KCNQ1: variants seen among roughly 807,000 people sequenced by gnomAD.
The protein encoded by KCNQ1 is potassium voltage-gated channel subfamily KQT member 1.
A neutral mutation model predicts 72.4 loss-of-function variants in KCNQ1; 49 were observed. That is an observed-to-expected ratio of 0.68 (90% CI 0.54 to 0.86). The LOEUF (loss-of-function observed/expected upper bound fraction) is 0.86. Ranked by LOEUF, KCNQ1 falls within the 40% of genes least tolerant of loss-of-function variation. The probability of loss-of-function intolerance (pLI) is 0.00; values close to 1 mark genes in which losing one functional copy is unlikely to be tolerated. For missense variants in KCNQ1, 790 were observed against 945.1 expected (o/e 0.84, Z 2.15); for synonymous variants, 450 against 412.6 (o/e 1.09, Z -1.10).
At position 2,746,843 on chromosome 11, in the gene KCNQ1, G is replaced by T. The variant is rs1219260354; in HGVS notation, c.1515-22001G>T. On this transcript the variant is annotated intron_variant, in intron 11 of 15. Coordinates refer to ENST00000155840, the MANE Select transcript of KCNQ1 (RefSeq NM_000218.3). This position sits in a 1 kb window ranked among gnomAD's most constrained non-coding sequence, Gnocchi z 5.9. ...GGGCCCTAGAGAGACCCTGGGATGTGGATCACACTGGTGACCCCTGTGAGC... is the reference window on the plus strand; with the variant it reads ...GGGCCCTAGAGAGACCCTGGGATGTTGATCACACTGGTGACCCCTGTGAGC... Among the ~76,000 whole-genome samples the T allele has an allele frequency of 6.6e-6, 1 of 152,202 alleles. No homozygotes were observed. Among genetic ancestry groups the T allele is most frequent in the Non-Finnish European group, 1.5e-5 (1 of 68,030 alleles).
intron 10 of KCNQ1, among the ~76,000 whole-genome samples, chr11:2,594,650 T>C (rs1342875772): frequency 6.6e-6 from 1 of 152,228 alleles, no homozygotes; most frequent in Non-Finnish European, 1.5e-5. Flanking sequence ...TTGAGATGTT[T>C]CTGTTCCACT....
intron 10 of KCNQ1, chr11:2,641,801 G>C (rs1849581110): frequency 5.0e-6 from 2 of 398,382 alleles, no homozygotes. Context: ...AACCCATCTT[G>C]AGTTGATTTT....
At chr11:2,487,153 T>A (rs1846753030) in intron 1 of KCNQ1, among the ~76,000 whole-genome samples, 1 of 152,238 alleles carries the variant, frequency 6.6e-6, no homozygotes, top group South Asian at 2.1e-4. Context: ...TTGAATAGTC[T>A]TGGAACCCTA....
Position 2,475,091 on chromosome 11 carries a change from C to A in KCNQ1, c.386+29607C>A, listed in dbSNP as rs1166482989. On this transcript the variant is annotated intron_variant, in intron 1 of 15. Transcript: ENST00000155840. This position sits in a 1 kb window ranked among gnomAD's most constrained non-coding sequence, Gnocchi z 5.8. The stretch of plus-strand genomic sequence containing the variant: ...AGTGCTAGGCGTCCGACACGTCTTT[C>A]TAATTCCTGAACATTTCCATCATCC... 6.6e-6 allele frequency among the ~76,000 whole-genome samples: 1 copy of A among 152,226 alleles called. No homozygotes were observed. Among genetic ancestry groups the A allele is most frequent in the Non-Finnish European group, 1.5e-5 (1 of 68,040 alleles).
In KCNQ1 at chr11:2,713,569, C is replaced by T. The variant is rs966227890; in HGVS notation, c.1514+51488C>T. On this transcript the variant is annotated intron_variant, in intron 11 of 15. Coordinates refer to ENST00000155840, the MANE Select transcript of KCNQ1 (RefSeq NM_000218.3). The surrounding 1 kb of genome is among the most constrained non-coding windows in gnomAD (Gnocchi z 5.6). ...CTGGAGGACAGGCACCCTTGTTGGCCGTGGATAGGTTTCTGTTCTCCCTCG... is the reference window on the plus strand; with the variant it reads ...CTGGAGGACAGGCACCCTTGTTGGCTGTGGATAGGTTTCTGTTCTCCCTCG... Among the ~76,000 whole-genome samples the T allele has an allele frequency of 8.5e-5, 13 of 152,164 alleles. No homozygotes were observed. Among genetic ancestry groups the T allele is most frequent in the East Asian group, 3.9e-4 (2 of 5,146 alleles).
rs570852722 is a variant in KCNQ1, at chr11:2,815,017, C to T, written c.1795-32750C>T. The stretch of plus-strand genomic sequence containing the variant: ...TCTGCACACACAGCTTTCCTCATCC[C>T]GGCCTCATGCACTGTGGGCAGGAGT... On this transcript the variant is annotated intron_variant, in intron 15 of 15. Coordinates refer to ENST00000155840, the MANE Select transcript of KCNQ1 (RefSeq NM_000218.3). The surrounding 1 kb of genome is among the most constrained non-coding windows in gnomAD (Gnocchi z 5.4). 1.1e-3 allele frequency among the ~76,000 whole-genome samples: 160 copies of T among 152,376 alleles called. No homozygotes were observed. Among genetic ancestry groups the T allele is most frequent in the Non-Finnish European group, 1.9e-3 (131 of 68,038 alleles).
Position 2,568,647 on chromosome 11 carries a change from C to T in KCNQ1, c.478-1981C>T, listed in dbSNP as rs992621185. On this transcript the variant is annotated intron_variant, in intron 2 of 15. Transcript: ENST00000155840. ...TGGAATAGTCATTTATTTGTTCCTT[C>T]ATTCGTTCATTCAGCATGTCCATGT... Among the ~76,000 whole-genome samples, 22 of 152,206 alleles carry T rather than the reference C, an allele frequency of 1.4e-4. 1 individual carries two copies. Among genetic ancestry groups the T allele is most frequent in the Non-Finnish European group, 2.9e-5 (2 of 68,040 alleles).
chr11:2,528,804 G>A (rs964821935), intron 2 of KCNQ1, among the ~76,000 whole-genome samples: 1 of 152,268 alleles, frequency 6.6e-6, no homozygotes, highest in African/African-American at 2.4e-5. Flanking sequence ...ATCTGGGCTG[G>A]TTTCATGCTG....
At chr11:2,448,801 G>T (rs199858413) in intron 1 of KCNQ1, among the ~76,000 whole-genome samples, 13 of 152,208 alleles carry the variant, frequency 8.5e-5, no homozygotes, top group African/African-American at 2.4e-4. Context: ...TGGCTGTCTG[G>T]GGTCCCCTCA....
intron 6 of KCNQ1, among the ~76,000 whole-genome samples, chr11:2,577,216 G>A (rs966693435): frequency 2.0e-5 from 3 of 152,210 alleles, no homozygotes; most frequent in Non-Finnish European, 4.4e-5. Flanking sequence ...GCAGGGGTTC[G>A]GGCAGCCCTG....
intron 15 of KCNQ1, among the ~76,000 whole-genome samples, chr11:2,800,702 TA>T (rs1396803471): frequency 6.6e-6 from 1 of 152,174 alleles, no homozygotes; most frequent in Non-Finnish European, 1.5e-5. Context: ...GCACCACACA[TA>T]GCCTCTCTGT....
intron 1 of KCNQ1, among the ~76,000 whole-genome samples, chr11:2,517,877 G>A (rs729979): frequency 0.77 from 117,486 of 152,188 alleles, 45,453 homozygotes; most frequent in East Asian, 0.83. Flanking sequence ...GAGGGGTGGC[G>A]GAACGCTGCC....
At position 2,651,682 on chromosome 11, in the gene KCNQ1, C is replaced by T. The variant is rs1451352108; in HGVS notation, c.1394-10279C>T. 1 of 398,534 alleles carries T rather than the reference C, an allele frequency of 2.5e-6. No individual in the cohort carries two copies. The highest frequency in any genetic ancestry group is 4.4e-6 in the Non-Finnish European group (1 of 226,100). 24.7% of individuals were successfully genotyped at this position (398,534 alleles called of 1,614,324 possible). A position where few individuals can be genotyped will look rare whatever the true frequency, so the allele number is the denominator to read the frequency against. ...TCACTGACATTAGCCACGTGGCCCT[C>T]TGTTTCCTGTAATAGGCCATTTCCT... On this transcript the variant is annotated intron_variant, in intron 10 of 15. Coordinates refer to ENST00000155840, the MANE Select transcript of KCNQ1 (RefSeq NM_000218.3). This position sits in a 1 kb window ranked among gnomAD's most constrained non-coding sequence, Gnocchi z 6.1.
At position 2,450,532 on chromosome 11, in the gene KCNQ1, C is replaced by T. The variant is rs754087275; in HGVS notation, c.386+5048C>T. On this transcript the variant is annotated intron_variant, in intron 1 of 15. Transcript: ENST00000155840. This position sits in a 1 kb window ranked among gnomAD's most constrained non-coding sequence, Gnocchi z 7.9. ...TCTCGGGAGGTGCCTTGGGGCTGGC[C>T]AGTATGGGATTGCTGTCACTGTGGG... is the stretch of plus-strand genomic sequence containing the variant. Among the ~76,000 whole-genome samples, 17 of 152,054 alleles carry T rather than the reference C, an allele frequency of 1.1e-4. No homozygotes were observed. Among genetic ancestry groups the T allele is most frequent in the Non-Finnish European group, 2.4e-4 (16 of 68,008 alleles).
rs559021647 is a variant in KCNQ1 at position 2,503,162 on chromosome 11, C to T, written c.387-24766C>T. On this transcript the variant is annotated intron_variant, in intron 1 of 15. Coordinates refer to ENST00000155840, the MANE Select transcript of KCNQ1 (RefSeq NM_000218.3). ...AGTAATCCCTACAAGCACAGGCAAC[C>T]GAAGCAAAAATGGACAAATGGGATC... is the stretch of plus-strand genomic sequence containing the variant. Among the ~76,000 whole-genome samples, 12 of 152,182 alleles carry T rather than the reference C, an allele frequency of 7.9e-5. No individual in the cohort carries two copies. The South Asian group carries it at 1.0e-3, about 13-fold the overall frequency.
At position 2,803,805 on chromosome 11, in the gene KCNQ1, C is replaced by T. The variant is rs936104577; in HGVS notation, c.1794+25768C>T. 6.6e-6 allele frequency among the ~76,000 whole-genome samples: 1 copy of T among 152,198 alleles called. No homozygotes were observed. The highest frequency in any genetic ancestry group is 1.5e-5 in the Non-Finnish European group (1 of 68,030). ...TCCCCTCTCATCCCCACCTCGGGCC[C>T]ACCAGCTCCCACCCTGCTATGCCCA... On this transcript the variant is annotated intron_variant, in intron 15 of 15. Transcript: ENST00000155840. This position sits in a 1 kb window ranked among gnomAD's most constrained non-coding sequence, Gnocchi z 6.4.
At chr11:2,466,310 T>TG (rs1846350836) in intron 1 of KCNQ1, among the ~76,000 whole-genome samples, 1 of 152,128 alleles carries the variant, frequency 6.6e-6, no homozygotes, top group Non-Finnish European at 1.5e-5. Flanking sequence ...GGGTGCTTGC[T>TG]GGGGGGAGAA....
Position 2,678,034 on chromosome 11 carries a change from T to A in KCNQ1, c.1514+15953T>A, listed in dbSNP as rs1361321891. The A allele has an allele frequency of 2.5e-6, 1 of 398,396 alleles. No homozygotes were observed. Among genetic ancestry groups the A allele is most frequent in the Non-Finnish European group, 4.4e-6 (1 of 226,008 alleles). 24.7% of individuals were successfully genotyped at this position (398,396 alleles called of 1,614,324 possible). A position where few individuals can be genotyped will look rare whatever the true frequency, so the allele number is the denominator to read the frequency against. On this transcript the variant is annotated intron_variant, in intron 11 of 15. Coordinates refer to ENST00000155840, the MANE Select transcript of KCNQ1 (RefSeq NM_000218.3). This position sits in a 1 kb window ranked among gnomAD's most constrained non-coding sequence, Gnocchi z 4.9. ...CTTAAAATCATTTGTTTTTCTTTCT[T>A]GTGAACTATTTCTTCATACCCTTTG...
Position 2,813,523 on chromosome 11 carries a change from CCT to C in KCNQ1, c.1795-34243_1795-34242del, listed in dbSNP as rs1205075811. The stretch of plus-strand genomic sequence containing the variant: ...CCAAGTCCTGACAACACCTCCAGCC[CCT>C]GTCTCTATGGTCCCCTCCTTGATCT... On this transcript the variant is annotated intron_variant, in intron 15 of 15. Transcript: ENST00000155840. The surrounding 1 kb of genome is among the most constrained non-coding windows in gnomAD (Gnocchi z 4.4). Among the ~76,000 whole-genome samples, 1 of 152,126 alleles carries C rather than the reference CCT, an allele frequency of 6.6e-6. No homozygotes were observed. The highest frequency in any genetic ancestry group is 1.5e-5 in the Non-Finnish European group (1 of 68,024).
Sources: gnomAD v4.1 joint callset for allele counts (sites outside exome capture counted in the v4.1 genomes callset) on GRCh38, gnomAD v4.1.1 for gene constraint, Gnocchi (gnomAD v3.1) non-coding constraint, MANE v1.5 for transcripts, NCBI Gene and HGNC (gene_info 2026-07-23, HGNC 2026-07-21) for gene names.